The following SEPTIN7 variants were observed in gnomAD, a reference collection of about 807,000 sequenced individuals.
SEPTIN7 encodes septin-7.
Under a neutral mutation model 63.3 loss-of-function variants are expected in SEPTIN7, and 10 were observed. The ratio of observed to expected loss-of-function variants is 0.16; its 90% CI spans 0.10 to 0.27. SEPTIN7 has a LOEUF of 0.27. Among genes scored for constraint, SEPTIN7 ranks in the 10% least tolerant of loss-of-function variants. SEPTIN7 has a pLI of 1.00. For synonymous variants in SEPTIN7, 131 were observed against 165.3 expected, an observed-to-expected ratio of 0.79 and a Z score of 1.59; for missense variants, 310 against 521.0, an observed-to-expected ratio of 0.59 and a Z score of 3.94.
chr7:35,855,448 C>T (rs1785157453), intron 3 of SEPTIN7, among the ~76,000 whole-genome samples: 1 of 152,104 alleles, frequency 6.6e-6, no homozygotes, highest in Non-Finnish European at 1.5e-5. Context: ...TGATAGATTA[C>T]CAAATTATTC....
intron 4 of SEPTIN7, among the ~76,000 whole-genome samples, chr7:35,872,391 CTCTG>C (rs747604911): frequency 1.3e-5 from 2 of 152,052 alleles, no homozygotes; most frequent in East Asian, 1.9e-4. Context: ...TTATCAGTTC[CTCTG>C]TCTGTCTTTA....
Position 35,819,071 on chromosome 7 carries a change from A to G in SEPTIN7, c.62-12421A>G, listed in dbSNP as rs76485729. ...GTTATGATGTGAGATCTTTCTTTTT[A>G]ATATAGGCATTTACAGCTGTAAATT... On this transcript the variant is annotated intron_variant, in intron 1 of 13. Coordinates refer to ENST00000350320, the MANE Select transcript of SEPTIN7 (RefSeq NM_001788.6). Among the ~76,000 whole-genome samples, 174 of 152,106 alleles carry G rather than the reference A, an allele frequency of 1.1e-3. 3 individuals carry two copies. In the East Asian group the frequency reaches 0.03, roughly 26 times the overall value.
chr7:35,873,632 G>A lies in SEPTIN7; in HGVS notation c.378-9G>A, dbSNP rs558557611. On this transcript the variant is annotated splice_polypyrimidine_tract_variant and intron_variant, in intron 5 of 13. Transcript: ENST00000350320. ...ATTGCAGCTTGTTTTGTTTATTTGC[G>A]TTCTATAGCTGGCAGCCTGTTATCG... 7.4e-5 allele frequency: 118 copies of A among 1,604,024 alleles called. 3 individuals carry two copies. In the South Asian group the frequency reaches 8.1e-4, roughly 11 times the overall value.
chr7:35,837,563 G>C (rs530063766), intron 3 of SEPTIN7, among the ~76,000 whole-genome samples: 1 of 152,102 alleles, frequency 6.6e-6, no homozygotes, highest in East Asian at 1.9e-4. Flanking sequence ...TTGATTTAAG[G>C]GTTTTGATAC....
chr7:35,839,622 G>A (rs1467428148), intron 3 of SEPTIN7, among the ~76,000 whole-genome samples: 3 of 152,112 alleles, frequency 2.0e-5, no homozygotes, highest in South Asian at 2.1e-4. Context: ...GCGCTATCTC[G>A]GCTCACTGCA....
chr7:35,848,015 ATC>A (rs1784772318), intron 3 of SEPTIN7: 1 of 151,982 alleles, frequency 6.6e-6, no homozygotes, highest in Non-Finnish European at 1.5e-5. Context: ...GTAAAATAAT[ATC>A]TGTTTTCCTG....
chr7:35,856,316 C>A (rs1785202425), intron 3 of SEPTIN7, among the ~76,000 whole-genome samples: 1 of 152,126 alleles, frequency 6.6e-6, no homozygotes, highest in South Asian at 2.1e-4. Context: ...GAGCTGATTT[C>A]TTTTTGGTGC....
At chr7:35,831,993 A>G (rs1371606044) in intron 2 of SEPTIN7, 1 of 384,348 alleles carries the variant, frequency 2.6e-6, no homozygotes, top group Non-Finnish European at 5.1e-6. Context: ...GACTCTGCTT[A>G]TTCAAATAGT....
intron 6 of SEPTIN7, among the ~76,000 whole-genome samples, chr7:35,877,054 G>A (rs532567485): frequency 1.7e-4 from 26 of 152,108 alleles, no homozygotes; most frequent in Non-Finnish European, 3.7e-4. Flanking sequence ...AGGCTATGGT[G>A]AGCTATGACT....
At position 35,837,243 on chromosome 7, in the gene SEPTIN7, T is replaced by G. The variant is rs1784124839; in HGVS notation, c.169+4343T>G. On this transcript the variant is annotated intron_variant, in intron 3 of 13. Coordinates refer to ENST00000350320, the MANE Select transcript of SEPTIN7 (RefSeq NM_001788.6). ...ACCTATTGATAATAACTCTTAAGTA[T>G]AGGAACATTTAGTATTCTTATGTGT... 2.6e-5 allele frequency among the ~76,000 whole-genome samples: 4 copies of G among 152,200 alleles called. No individual in the cohort carries two copies. The South Asian group carries it at 8.3e-4, about 31-fold the overall frequency.
chr7:35,821,117 GA>G (rs1789383253), intron 1 of SEPTIN7, among the ~76,000 whole-genome samples: 1 of 152,158 alleles, frequency 6.6e-6, no homozygotes, highest in African/African-American at 2.4e-5. Context: ...ATTGTGTGCT[GA>G]TGGTTTTCAA....
At chr7:35,867,507 G>A (rs565135463) in intron 4 of SEPTIN7, among the ~76,000 whole-genome samples, 2 of 152,144 alleles carry the variant, frequency 1.3e-5, no homozygotes, top group African/African-American at 4.8e-5. Flanking sequence ...GTGCCACCAC[G>A]CCTGGCTAAT....
intron 3 of SEPTIN7, among the ~76,000 whole-genome samples, chr7:35,844,836 C>T (rs971983650): frequency 1.3e-5 from 2 of 152,190 alleles, no homozygotes; most frequent in South Asian, 2.1e-4. Flanking sequence ...CTCCTGACTA[C>T]AAGTGATCCA....
At chr7:35,896,098 C>T (rs925846674) in intron 11 of SEPTIN7, among the ~76,000 whole-genome samples, 2 of 152,214 alleles carry the variant, frequency 1.3e-5, no homozygotes, top group East Asian at 1.9e-4. Context: ...TGTGAACCAC[C>T]GTGCCCGGCT....
At chr7:35,826,936 T>A (rs752202507) in intron 1 of SEPTIN7, among the ~76,000 whole-genome samples, 14 of 152,166 alleles carry the variant, frequency 9.2e-5, no homozygotes, top group Non-Finnish European at 1.6e-4. Flanking sequence ...GTAATCTATC[T>A]ATTAGAACTT....
intron 1 of SEPTIN7, among the ~76,000 whole-genome samples, chr7:35,825,418 A>C (rs1783453838): frequency 6.6e-6 from 1 of 152,166 alleles, no homozygotes; most frequent in African/African-American, 2.4e-5. Context: ...TTAATAACTC[A>C]ACTGACTGAG....
intron 12 of SEPTIN7, chr7:35,898,747 CTG>C (rs1051461529): frequency 6.2e-5 from 10 of 161,202 alleles, no homozygotes; most frequent in Non-Finnish European, 1.3e-4. Context: ...TGCACACAAA[CTG>C]TGTTAGGATA....
intron 1 of SEPTIN7, among the ~76,000 whole-genome samples, chr7:35,828,186 G>A (rs1783615335): frequency 6.6e-6 from 1 of 152,078 alleles, no homozygotes; most frequent in African/African-American, 2.4e-5. Context: ...ATGTTACTGA[G>A]ACTGCTCTTA....
At chr7:35,842,837 C>T (rs2541307) in intron 3 of SEPTIN7, among the ~76,000 whole-genome samples, 8,626 of 152,194 alleles carry the variant, frequency 0.057, 727 homozygotes, top group African/African-American at 0.18. Flanking sequence ...TAGTATATCT[C>T]TCTTCCTCAA....
Sources: gnomAD v4.1 joint callset for allele counts (sites outside exome capture counted in the v4.1 genomes callset) on GRCh38, gnomAD v4.1.1 for gene constraint, MANE v1.5 for transcripts, NCBI Gene and HGNC (gene_info 2026-07-23, HGNC 2026-07-21) for gene names.